The following PDCD6 variants were observed in gnomAD, a reference collection of about 807,000 sequenced individuals.
PDCD6 encodes the protein programmed cell death 6, also known as programmed cell death protein 6.
Under a neutral mutation model 28.3 loss-of-function variants are expected in PDCD6, and 12 were observed. That is an observed-to-expected ratio of 0.42 (90% CI 0.27 to 0.69). The LOEUF (loss-of-function observed/expected upper bound fraction) is 0.69. Among genes scored for constraint, PDCD6 ranks in the 30% least tolerant of loss-of-function variants. The pLI is 0.22. For synonymous variants in PDCD6, 92 were observed against 108.0 expected, an observed-to-expected ratio of 0.85 and a Z score of 0.92; for missense variants, 226 against 269.9, an observed-to-expected ratio of 0.84 and a Z score of 1.14.
rs772280754 is a variant in PDCD6 at position 299,740 on chromosome 5, G to A, written c.164-4437G>A. On this transcript the variant is annotated intron_variant, in intron 2 of 5. Coordinates refer to ENST00000264933, the MANE Select transcript of PDCD6 (RefSeq NM_013232.4). ...AATTTTTTGTATTTTTAGTAGAGAT[G>A]GGGTTTCACCATATTAGCCAGGATG... 3.2e-4 allele frequency among the ~76,000 whole-genome samples: 48 copies of A among 152,134 alleles called. 1 individual carries two copies. The highest frequency in any genetic ancestry group is 2.7e-3 in the South Asian group (13 of 4,816).
At chr5:301,763 G>C (rs1341516802) in intron 2 of PDCD6, among the ~76,000 whole-genome samples, 1 of 150,340 alleles carries the variant, frequency 6.7e-6, no homozygotes, top group Non-Finnish European at 1.5e-5. Context: ...AACTGCTGGA[G>C]GGTGGGTCGT....
chr5:274,507 T>C (rs1285473724), intron 2 of PDCD6, among the ~76,000 whole-genome samples: 6 of 152,210 alleles, frequency 3.9e-5, no homozygotes, highest in Non-Finnish European at 7.3e-5. Context: ...ATGCGAGGTG[T>C]TTCCGTGATT....
At chr5:297,431 G>A (rs1231972081) in intron 2 of PDCD6, among the ~76,000 whole-genome samples, 1 of 152,232 alleles carries the variant, frequency 6.6e-6, no homozygotes. Context: ...CGATAGATTT[G>A]TATACCTTTA....
In PDCD6 at chr5:305,286, TC is replaced by T. The variant is rs1460213145; in HGVS notation, c.208+1066del. On this transcript the variant is annotated intron_variant, in intron 3 of 5. Coordinates refer to ENST00000264933, the MANE Select transcript of PDCD6 (RefSeq NM_013232.4). This position sits in a 1 kb window ranked among gnomAD's most constrained non-coding sequence, Gnocchi z 4.0. ...GAGGTTTCCCAGAGCGGCCTGGGGC[TC>T]ATTCCCTCGCCTCCCATCCATGCAC... 2 of 152,274 alleles carry T rather than the reference TC, an allele frequency of 1.3e-5. No individual in the cohort carries two copies. The highest frequency in any genetic ancestry group is 2.9e-5 in the Non-Finnish European group (2 of 68,128). 9.4% of individuals were successfully genotyped at this position (152,274 alleles called of 1,614,324 possible).
intron 5 of PDCD6, among the ~76,000 whole-genome samples, chr5:314,203 G>A (rs189677926): frequency 8.3e-4 from 126 of 152,322 alleles, no homozygotes; most frequent in African/African-American, 2.9e-3. Context: ...CTGGATGTCC[G>A]GAGCCAGCCC....
intron 2 of PDCD6, among the ~76,000 whole-genome samples, chr5:295,611 A>G (rs1446573073): frequency 6.8e-6 from 1 of 147,396 alleles, no homozygotes; most frequent in East Asian, 1.9e-4. Flanking sequence ...ATTCTCCGTG[A>G]TGTTGCAGGA....
chr5:302,043 C>T (rs1740093504), intron 2 of PDCD6, among the ~76,000 whole-genome samples: 1 of 125,026 alleles, frequency 8.0e-6, no homozygotes, highest in South Asian at 2.8e-4. Flanking sequence ...TGCATAACTG[C>T]TGGAGGGCGG....
chr5:281,370 C>G (rs531469553), intron 2 of PDCD6, among the ~76,000 whole-genome samples: 21 of 151,800 alleles, frequency 1.4e-4, no homozygotes, highest in Admixed American at 1.4e-3. Flanking sequence ...GGGGAGGAGC[C>G]GGTGCTGCCT....
chr5:272,296 C>T (rs1737874674), intron 1 of PDCD6, among the ~76,000 whole-genome samples: 1 of 143,800 alleles, frequency 7.0e-6, no homozygotes. Context: ...GAAGCAGCGA[C>T]CTGGCGTCTG....
At chr5:299,828 C>T (rs551157086) in intron 2 of PDCD6, among the ~76,000 whole-genome samples, 109 of 152,110 alleles carry the variant, frequency 7.2e-4, no homozygotes, top group East Asian at 1.2e-3. Flanking sequence ...GGATTACAGG[C>T]GCCAGCCACC....
chr5:307,244 CGTGT>C lies in PDCD6; in HGVS notation c.367+490_367+493del, dbSNP rs1740568008. Among the ~76,000 whole-genome samples the C allele has an allele frequency of 3.3e-5, 4 of 120,132 alleles. No individual in the cohort carries two copies. The highest frequency in any genetic ancestry group is 5.1e-5 in the Non-Finnish European group (3 of 59,330). 78.8% of individuals were successfully genotyped at this position (120,132 alleles called of 152,430 possible). ...GTGTGCTCGGCGTGTGTGTGCTCGG[CGTGT>C]GTGTGCTCGGCGTGTGTGTGCACAC... On this transcript the variant is annotated intron_variant, in intron 4 of 5. Coordinates refer to ENST00000264933, the MANE Select transcript of PDCD6 (RefSeq NM_013232.4). The surrounding 1 kb of genome is among the most constrained non-coding windows in gnomAD (Gnocchi z 6.1).
At chr5:279,052 G>A (rs1738397650) in intron 2 of PDCD6, among the ~76,000 whole-genome samples, 2 of 152,126 alleles carry the variant, frequency 1.3e-5, no homozygotes. Context: ...CCTCCATGGG[G>A]AACAGCATTG....
intron 2 of PDCD6, among the ~76,000 whole-genome samples, chr5:277,235 C>T (rs773962550): frequency 6.6e-6 from 1 of 151,994 alleles, no homozygotes; most frequent in Non-Finnish European, 1.5e-5. Context: ...AAGCGATTCT[C>T]CTGCCTCAGC....
At chr5:289,199 A>G in intron 2 of PDCD6, 1 of 761,082 alleles carries the variant, frequency 1.3e-6, no homozygotes, top group Non-Finnish European at 2.1e-6. Context: ...TTATTTTCAG[A>G]ATACCTCCAC....
chr5:287,065 A>G (rs1392488142), intron 2 of PDCD6, among the ~76,000 whole-genome samples: 1 of 150,992 alleles, frequency 6.6e-6, no homozygotes, highest in African/African-American at 2.4e-5. Flanking sequence ...AGGAGCTGGT[A>G]TGTTCTAGTT....
chr5:292,294 T>C (rs1240881558), intron 2 of PDCD6, among the ~76,000 whole-genome samples: 1 of 152,242 alleles, frequency 6.6e-6, no homozygotes, highest in Non-Finnish European at 1.5e-5. Context: ...AGTCTCACTC[T>C]GTTGCCCAGG....
At chr5:296,697 C>T (rs1174658300) in intron 2 of PDCD6, among the ~76,000 whole-genome samples, 1 of 152,162 alleles carries the variant, frequency 6.6e-6, no homozygotes, top group East Asian at 1.9e-4. Flanking sequence ...GCAGGCAAGG[C>T]AAGGGAAGGT....
intron 2 of PDCD6, among the ~76,000 whole-genome samples, chr5:279,783 CAAAAAAAAAA>C (rs35224887): frequency 9.0e-4 from 68 of 75,602 alleles, no homozygotes; most frequent in Non-Finnish European, 1.4e-3. Flanking sequence ...AAAGTAATGG[CAAAAAAAAAA>C]AAAAAAAAAA....
chr5:276,574 C>G (rs548665354), intron 2 of PDCD6: 1 of 981,798 alleles, frequency 1.0e-6, no homozygotes, highest in Non-Finnish European at 1.2e-6. Flanking sequence ...ATATGAATTC[C>G]TATACTAATA....
Sources: gnomAD v4.1 joint callset for allele counts (sites outside exome capture counted in the v4.1 genomes callset) on GRCh38, gnomAD v4.1.1 for gene constraint, Gnocchi (gnomAD v3.1) non-coding constraint, MANE v1.5 for transcripts, NCBI Gene and HGNC (gene_info 2026-07-23, HGNC 2026-07-21) for gene names.